NCKAP5: variants seen among roughly 807,000 people sequenced by gnomAD.
NCKAP5 encodes the protein nck-associated protein 5.
Under a neutral mutation model 167.0 loss-of-function variants are expected in NCKAP5, and 92 were observed. The observed-to-expected ratio is 0.55, with a 90% CI of 0.47 to 0.66. NCKAP5 has a LOEUF of 0.66. Ranked by LOEUF, NCKAP5 falls within the 30% of genes least tolerant of loss-of-function variation. The probability of loss-of-function intolerance (pLI) is 0.00; values close to 1 mark genes in which losing one functional copy is unlikely to be tolerated. For missense variants in NCKAP5, 2,378 were observed against 2,315.0 expected (o/e 1.03, Z -0.56); for synonymous variants, 891 against 877.4 (o/e 1.02, Z -0.27).
intron 8 of NCKAP5, among the ~76,000 whole-genome samples, chr2:132,888,551 A>G (rs1323784778): frequency 6.6e-6 from 1 of 151,942 alleles, no homozygotes. Context: ...CACCATGCCC[A>G]GCTCATTTTT....
At chr2:132,944,650 A>G (rs1697560335) in intron 8 of NCKAP5, among the ~76,000 whole-genome samples, 2 of 152,296 alleles carry the variant, frequency 1.3e-5, no homozygotes, top group South Asian at 4.1e-4. Context: ...TCCTGTCACT[A>G]GGGTGTCCAA....
chr2:133,411,509 C>T (rs1688772819), intron 3 of NCKAP5, among the ~76,000 whole-genome samples: 1 of 152,160 alleles, frequency 6.6e-6, no homozygotes, highest in African/African-American at 2.4e-5. Flanking sequence ...ATAAATACAC[C>T]ATTCATTTTC....
chr2:133,468,945 G>T (rs1692823003), intron 3 of NCKAP5, among the ~76,000 whole-genome samples: 1 of 152,106 alleles, frequency 6.6e-6, no homozygotes. Flanking sequence ...GCACACTGAT[G>T]GGTCTTGACT....
intron 16 of NCKAP5, among the ~76,000 whole-genome samples, chr2:132,736,654 G>A (rs749049465): frequency 5.3e-5 from 8 of 151,956 alleles, no homozygotes; most frequent in Admixed American, 2.0e-4. Context: ...GGGCATGGTG[G>A]CATGCACCTG....
chr2:133,348,132 G>C (rs11890293), intron 3 of NCKAP5, among the ~76,000 whole-genome samples: 37,060 of 152,008 alleles, frequency 0.24, 5,197 homozygotes, highest in African/African-American at 0.39. Context: ...TGCCATTACC[G>C]CAATATGCTT....
intron 11 of NCKAP5, among the ~76,000 whole-genome samples, chr2:132,809,891 T>C (rs772054928): frequency 2.8e-4 from 43 of 152,238 alleles, no homozygotes; most frequent in Non-Finnish European, 2.5e-4. Flanking sequence ...GTGTGATTTA[T>C]GCTTTCAAGA....
chr2:133,418,551 G>T (rs931891098), intron 3 of NCKAP5, among the ~76,000 whole-genome samples: 1 of 152,178 alleles, frequency 6.6e-6, no homozygotes, highest in Non-Finnish European at 1.5e-5. Context: ...AGGATCAGGG[G>T]ACAAACGGAG....
chr2:133,022,946 C>T (rs2078576440), intron 6 of NCKAP5, among the ~76,000 whole-genome samples: 1 of 152,192 alleles, frequency 6.6e-6, no homozygotes, highest in Admixed American at 6.5e-5. Context: ...TGGAGAGGCC[C>T]ATGTGGCATT....
the NCKAP5 span, among the ~76,000 whole-genome samples, chr2:133,670,518 A>G: frequency 1.3e-5 from 2 of 152,204 alleles, no homozygotes; most frequent in African/African-American, 4.8e-5. Flanking sequence ...TCGAGAAAAC[A>G]TATATTCCAT....
At chr2:133,663,151 A>C in the NCKAP5 span, among the ~76,000 whole-genome samples, 1 of 152,082 alleles carries the variant, frequency 6.6e-6, no homozygotes, top group African/African-American at 2.4e-5. Flanking sequence ...CTGTAGTCCC[A>C]GCTACTCGGG....
chr2:133,637,808 T>A, the NCKAP5 span, among the ~76,000 whole-genome samples: 1 of 152,120 alleles, frequency 6.6e-6, no homozygotes, highest in Non-Finnish European at 1.5e-5. Flanking sequence ...GCACAATATT[T>A]GAAAATATAT....
chr2:132,880,629 GA>G (rs899292188), intron 8 of NCKAP5, among the ~76,000 whole-genome samples: 2 of 149,162 alleles, frequency 1.3e-5, no homozygotes, highest in Non-Finnish European at 3.0e-5. Context: ...CTCCATCTCA[GA>G]AAAAAAAAGA....
At chr2:133,394,793 A>C (rs186162267) in intron 3 of NCKAP5, among the ~76,000 whole-genome samples, 3 of 152,216 alleles carry the variant, frequency 2.0e-5, no homozygotes, top group South Asian at 2.1e-4. Context: ...CAAAAGTAAA[A>C]TGTCCTTGGC....
rs979966210 is a variant in NCKAP5 at position 133,139,739 on chromosome 2, A to G, written c.208-9628T>C. Among the ~76,000 whole-genome samples, 11 of 152,174 alleles carry G rather than the reference A, an allele frequency of 7.2e-5. No homozygotes were observed. The East Asian group carries it at 2.1e-3, about 29-fold the overall frequency. On this transcript the variant is annotated intron_variant, in intron 5 of 19. Coordinates refer to ENST00000409261, the MANE Select transcript of NCKAP5 (RefSeq NM_207363.3). ...ATTTCCTCACTGTCATTCATTAGCAATGGTTCCTTGGGTTGGAAAAGGCCT... is the reference window on the plus strand; with the variant it reads ...ATTTCCTCACTGTCATTCATTAGCAGTGGTTCCTTGGGTTGGAAAAGGCCT...
chr2:133,471,635 T>C (rs1183653803), intron 3 of NCKAP5, among the ~76,000 whole-genome samples: 7 of 152,172 alleles, frequency 4.6e-5, no homozygotes, highest in Admixed American at 1.3e-4. Context: ...ATAATTGCTT[T>C]CCAGGACCAC....
At chr2:132,771,369 T>C (rs1682033185) in intron 16 of NCKAP5, among the ~76,000 whole-genome samples, 1 of 152,142 alleles carries the variant, frequency 6.6e-6, no homozygotes, top group South Asian at 2.1e-4. Context: ...AAATTATATT[T>C]TTGTGCAGCT....
intron 3 of NCKAP5, among the ~76,000 whole-genome samples, chr2:133,359,036 C>A (rs976098613): frequency 1.3e-5 from 2 of 152,146 alleles, no homozygotes; most frequent in African/African-American, 4.8e-5. Flanking sequence ...AAAATCATTT[C>A]TTTATTTCAA....
chr2:133,365,037 C>T (rs757088647), intron 3 of NCKAP5, among the ~76,000 whole-genome samples: 2 of 152,102 alleles, frequency 1.3e-5, no homozygotes, highest in South Asian at 2.1e-4. Flanking sequence ...AGGTGTGAGC[C>T]ACCATGCCTG....
intron 3 of NCKAP5, among the ~76,000 whole-genome samples, chr2:133,310,087 G>A (rs561949917): frequency 1.3e-5 from 2 of 152,068 alleles, no homozygotes; most frequent in Non-Finnish European, 2.9e-5. Flanking sequence ...TTTTTAAGCG[G>A]GGGAGGGCAT....
Sources: gnomAD v4.1 joint callset for allele counts (sites outside exome capture counted in the v4.1 genomes callset) on GRCh38, gnomAD v4.1.1 for gene constraint, MANE v1.5 for transcripts, NCBI Gene and HGNC (gene_info 2026-07-23, HGNC 2026-07-21) for gene names.